The following MEOX2 variants were observed in gnomAD, a reference collection of about 807,000 sequenced individuals.
The protein encoded by MEOX2 is mesenchyme homeobox 2.
MEOX2 carries 11 observed loss-of-function variants against 27.0 expected under a neutral mutation model. The ratio of observed to expected loss-of-function variants is 0.41; its 90% CI spans 0.26 to 0.68. MEOX2 has a LOEUF of 0.68. Among genes scored for constraint, MEOX2 ranks in the 30% least tolerant of loss-of-function variants. MEOX2 has a pLI of 0.33. For synonymous variants in MEOX2, 189 were observed against 155.4 expected, an observed-to-expected ratio of 1.22 and a Z score of -1.61; for missense variants, 436 against 385.4, an observed-to-expected ratio of 1.13 and a Z score of -1.10.
At chr7:15,618,193 T>C (rs879816800) in intron 2 of MEOX2, among the ~76,000 whole-genome samples, 9 of 152,022 alleles carry the variant, frequency 5.9e-5, no homozygotes, top group Non-Finnish European at 1.3e-4. Context: ...TTTCACCATA[T>C]TTACAGTAAA....
chr7:15,679,418 T>G (rs1782256668), intron 1 of MEOX2: 1 of 152,100 alleles, frequency 6.6e-6, no homozygotes, highest in Non-Finnish European at 1.5e-5. Flanking sequence ...CTATGCAAGC[T>G]TTAAGAAACA....
At chr7:15,662,569 G>A (rs1241256130) in intron 1 of MEOX2, among the ~76,000 whole-genome samples, 4 of 152,006 alleles carry the variant, frequency 2.6e-5, no homozygotes. Context: ...GTAGTTGCCA[G>A]GCAATATAAT....
intron 1 of MEOX2, among the ~76,000 whole-genome samples, chr7:15,648,381 C>T (rs897070224): frequency 2.7e-4 from 41 of 151,902 alleles, no homozygotes; most frequent in Non-Finnish European, 5.6e-4. Context: ...AATTTTATGC[C>T]GGTGCGGATG....
In MEOX2 at chr7:15,612,478, A is replaced by G. The variant is rs763413946; in HGVS notation, c.824T>C (p.Ile275Thr). 1.2e-6 allele frequency: 2 copies of G among 1,614,100 alleles called. No homozygotes were observed. The highest frequency in any genetic ancestry group is 1.1e-5 in the South Asian group (1 of 91,086). ...TGTTTGCTGGAGGGTGGCTGCACCAATTCCCGACAGCTCTGATGGGAGAAG... is the reference window on the plus strand; with the variant it reads ...TGTTTGCTGGAGGGTGGCTGCACCAGTTCCCGACAGCTCTGATGGGAGAAG... ...GTLLPSELSG[I>T]GAATLQQTGD... Residue 275 changes from isoleucine (I) to threonine (T), a missense_variant, in exon 3 of 3, where the codon ATT (isoleucine) becomes ACT (threonine). By Grantham distance (89) the Ile-to-Thr change is moderately conservative (BLOSUM62 -1). Transcript: ENST00000262041.
chr7:15,615,435 A>G (rs1472086668), intron 2 of MEOX2, among the ~76,000 whole-genome samples: 2 of 150,900 alleles, frequency 1.3e-5, no homozygotes, highest in Non-Finnish European at 3.0e-5. Flanking sequence ...GTAATAAAAA[A>G]AAAGCATATA....
At chr7:15,640,616 G>T (rs1426262141) in intron 1 of MEOX2, among the ~76,000 whole-genome samples, 2 of 152,100 alleles carry the variant, frequency 1.3e-5, no homozygotes, top group Admixed American at 1.3e-4. Flanking sequence ...TTATTAAAGG[G>T]AATGTTTTCA....
intron 1 of MEOX2, among the ~76,000 whole-genome samples, chr7:15,629,253 A>T (rs1583749463): frequency 1.3e-5 from 2 of 152,160 alleles, no homozygotes; most frequent in Non-Finnish European, 1.5e-5. Flanking sequence ...CAGTCACACA[A>T]ACAAAAACAC....
chr7:15,612,115 C>G lies in MEOX2; in HGVS notation c.*272G>C. 4.4e-6 allele frequency: 2 copies of G among 452,438 alleles called. No homozygotes were observed. The highest frequency in any genetic ancestry group is 8.0e-6 in the Non-Finnish European group (2 of 250,462). The allele number at this position is 452,438 out of a possible 1,614,324, so 28.0% of individuals were successfully genotyped here. A position where few individuals can be genotyped will look rare whatever the true frequency, so the allele number is the denominator to read the frequency against. On this transcript the variant is annotated 3_prime_UTR_variant, in exon 3 of 3. Coordinates refer to ENST00000262041, the MANE Select transcript of MEOX2 (RefSeq NM_005924.5). The stretch of plus-strand genomic sequence containing the variant: ...ATTTAATTTTCAGTGCAAGCAAAAG[C>G]AAACACATACCTGCTCACTGCCATA...
At chr7:15,630,895 A>G (rs1444605657) in intron 1 of MEOX2, among the ~76,000 whole-genome samples, 1 of 151,892 alleles carries the variant, frequency 6.6e-6, no homozygotes, top group Admixed American at 6.6e-5. Context: ...TCAGCTTCTC[A>G]GTGTTTCTTC....
rs140778016 is a variant in MEOX2 at position 15,638,309 on chromosome 7, C to A, written c.518-11391G>T. ...CTAAAAATTGCAGTCTAGTTTAAAG[C>A]ATAAATTATTTTTCTGAGTGCAATT... On this transcript the variant is annotated intron_variant, in intron 1 of 2. Coordinates refer to ENST00000262041, the MANE Select transcript of MEOX2 (RefSeq NM_005924.5). 7.3e-3 allele frequency among the ~76,000 whole-genome samples: 1,117 copies of A among 152,138 alleles called. 15 individuals are homozygous for A. The highest frequency in any genetic ancestry group is 9.0e-3 in the Admixed American group (137 of 15,268).
In MEOX2 at chr7:15,683,095, G is replaced by C. The variant is rs116104674; in HGVS notation, c.517+2791C>G. ...GAAAGTGCATAAAATATATGCTAGA[G>C]AAGCTTACGTATTATAGTTTTAAAT... On this transcript the variant is annotated intron_variant, in intron 1 of 2. Transcript: ENST00000262041. Among the ~76,000 whole-genome samples the C allele has an allele frequency of 1.8e-3, 268 of 151,962 alleles. 2 individuals are homozygous for C. Among genetic ancestry groups the C allele is most frequent in the African/African-American group, 6.2e-3 (258 of 41,508 alleles).
chr7:15,635,556 G>A (rs1781468169), intron 1 of MEOX2, among the ~76,000 whole-genome samples: 1 of 151,838 alleles, frequency 6.6e-6, no homozygotes. Flanking sequence ...TACATATTAC[G>A]GGCACTCAAT....
chr7:15,652,069 A>C (rs1249445017), intron 1 of MEOX2, among the ~76,000 whole-genome samples: 1 of 152,070 alleles, frequency 6.6e-6, no homozygotes, highest in Non-Finnish European at 1.5e-5. Context: ...TCTTTAAAAG[A>C]AATAATCTTT....
intron 2 of MEOX2, among the ~76,000 whole-genome samples, chr7:15,618,647 T>C (rs895113896): frequency 1.3e-5 from 2 of 151,938 alleles, no homozygotes; most frequent in Non-Finnish European, 2.9e-5. Flanking sequence ...TACTGAAATA[T>C]TACTATGATT....
At position 15,686,184 on chromosome 7, in the gene MEOX2, G is replaced by A. The variant is rs1782380500; in HGVS notation, c.219C>T (p.His73=). 1 of 1,590,990 alleles carries A rather than the reference G, an allele frequency of 6.3e-7. No homozygotes were observed. The highest frequency in any genetic ancestry group is 8.6e-7 in the Non-Finnish European group (1 of 1,165,878). The part of the protein sequence containing the change: ...QHHRGHHHHH[H]HHHHHHHQQQ... ...GCTGATGGTGGTGATGGTGGTGGTG[G>A]TGGTGGTGGTGGTGGTGCCCCCTGT... Residue 73 remains histidine (H), a synonymous_variant, in exon 1 of 3, where the codon CAC becomes CAT. Coordinates refer to ENST00000262041, the MANE Select transcript of MEOX2 (RefSeq NM_005924.5).
chr7:15,656,789 C>G (rs1375492207), intron 1 of MEOX2, among the ~76,000 whole-genome samples: 1 of 151,896 alleles, frequency 6.6e-6, no homozygotes, highest in Non-Finnish European at 1.5e-5. Context: ...TGCCATTGTT[C>G]TTTTTCCTTT....
At chr7:15,672,698 C>T (rs1454767488) in intron 1 of MEOX2, among the ~76,000 whole-genome samples, 1 of 151,962 alleles carries the variant, frequency 6.6e-6, no homozygotes, top group Non-Finnish European at 1.5e-5. Context: ...CAAGACCATC[C>T]TGGCTAAAAT....
intron 2 of MEOX2, among the ~76,000 whole-genome samples, chr7:15,621,625 A>C (rs564569116): frequency 6.6e-6 from 1 of 152,342 alleles, no homozygotes; most frequent in South Asian, 2.1e-4. Flanking sequence ...TTCATGACAC[A>C]TATATGAGTC....
At chr7:15,679,707 T>G (rs926417963) in intron 1 of MEOX2, 1 of 152,024 alleles carries the variant, frequency 6.6e-6, no homozygotes. Context: ...AATGGAAATT[T>G]TAAAAATAAA....
Sources: allele counts gnomAD v4.1 joint callset (sites outside exome capture counted in the v4.1 genomes callset), GRCh38; gene constraint gnomAD v4.1.1; transcripts MANE v1.5; gene names NCBI Gene and HGNC (gene_info 2026-07-23, HGNC 2026-07-21).